The following HNRNPUL1 variants were observed in gnomAD, a reference collection of about 807,000 sequenced individuals.
HNRNPUL1 encodes the protein heterogeneous nuclear ribonucleoprotein U like 1.
Under a neutral mutation model 108.5 loss-of-function variants are expected in HNRNPUL1, and 14 were observed. The observed-to-expected ratio is 0.13, with a 90% CI of 0.09 to 0.20. HNRNPUL1 has a LOEUF of 0.20. HNRNPUL1 is among the 10% of genes least tolerant of loss of function. The pLI is 1.00. For missense variants in HNRNPUL1, 804 were observed against 1,168.3 expected (o/e 0.69, Z 4.55); for synonymous variants, 422 against 445.2 (o/e 0.95, Z 0.66).
upstream of HNRNPUL1, among the ~76,000 whole-genome samples, chr19:41,263,972 T>C (rs776787754): frequency 1.3e-5 from 2 of 152,234 alleles, no homozygotes; most frequent in African/African-American, 2.4e-5. Context: ...GCGGGAGATG[T>C]ACACCAATCG....
At chr19:41,274,402 A>G (rs1261800751) in intron 4 of HNRNPUL1, among the ~76,000 whole-genome samples, 1 of 152,178 alleles carries the variant, frequency 6.6e-6, no homozygotes, top group East Asian at 1.9e-4. Flanking sequence ...GTTGTCATCT[A>G]ATCAGGAAGG....
At chr19:41,304,473 A>T (rs2037429136) in intron 13 of HNRNPUL1, among the ~76,000 whole-genome samples, 1 of 152,136 alleles carries the variant, frequency 6.6e-6, no homozygotes, top group African/African-American at 2.4e-5. Flanking sequence ...CCAGGAGTAA[A>T]TGTAGACCTT....
At chr19:41,296,531 G>A (rs746727632) in intron 10 of HNRNPUL1, among the ~76,000 whole-genome samples, 1 of 152,238 alleles carries the variant, frequency 6.6e-6, no homozygotes, top group Non-Finnish European at 1.5e-5. Flanking sequence ...GAAGCCATAG[G>A]CTACTCAGGC....
chr19:41,271,887 C>T (rs945621743), intron 2 of HNRNPUL1, among the ~76,000 whole-genome samples, 195 bp from the exon 3 acceptor site: 2 of 152,112 alleles, frequency 1.3e-5, no homozygotes, highest in African/African-American at 4.8e-5. Context: ...TATCTCAGAT[C>T]CTAACCCTGT....
In HNRNPUL1 at chr19:41,294,295, C is replaced by T; in HGVS notation, c.1267-43C>T. ...CAGTCACCACCGAGCCAAGTGGTGCCATACCACCATGCCGCAACACCTTCC... is the reference window on the plus strand; with the variant it reads ...CAGTCACCACCGAGCCAAGTGGTGCTATACCACCATGCCGCAACACCTTCC... On this transcript the variant is annotated intron_variant, in intron 8 of 14. Transcript: ENST00000392006. The surrounding 1 kb of genome is among the most constrained non-coding windows in gnomAD (Gnocchi z 4.3). 6.2e-7 allele frequency: 1 copy of T among 1,608,306 alleles called. No homozygotes were observed. Among genetic ancestry groups the T allele is most frequent in the Non-Finnish European group, 8.5e-7 (1 of 1,176,352 alleles).
At chr19:41,275,841 G>A (rs1019432033) in intron 4 of HNRNPUL1, among the ~76,000 whole-genome samples, 1 of 152,182 alleles carries the variant, frequency 6.6e-6, no homozygotes, top group African/African-American at 2.4e-5. Flanking sequence ...GGTGGCTCAC[G>A]CCTGTAATCC....
At chr19:41,269,353 A>G (rs1280355092) in intron 2 of HNRNPUL1, among the ~76,000 whole-genome samples, 1 of 151,696 alleles carries the variant, frequency 6.6e-6, no homozygotes, top group Non-Finnish European at 1.5e-5. Flanking sequence ...ACATGCACAC[A>G]CCTATAGTTA....
At chr19:41,295,546 C>CA (rs2036844064) in intron 10 of HNRNPUL1, among the ~76,000 whole-genome samples, 1 of 152,196 alleles carries the variant, frequency 6.6e-6, no homozygotes, top group African/African-American at 2.4e-5. Context: ...TCACAAGTAA[C>CA]AAAGGGTGTC....
At chr19:41,281,525 C>A (rs1038784500) in intron 7 of HNRNPUL1, among the ~76,000 whole-genome samples, 1 of 151,976 alleles carries the variant, frequency 6.6e-6, no homozygotes, top group Non-Finnish European at 1.5e-5. Flanking sequence ...GTGTGCATAG[C>A]CTTCCTCCGT....
intron 13 of HNRNPUL1, among the ~76,000 whole-genome samples, chr19:41,305,237 C>G: frequency 6.6e-6 from 1 of 152,194 alleles, no homozygotes; most frequent in Admixed American, 6.5e-5. Context: ...TTGGGAAGCA[C>G]TTAGTCAATT....
upstream of HNRNPUL1, among the ~76,000 whole-genome samples, chr19:41,263,962 G>A (rs1308825961): frequency 6.6e-6 from 1 of 152,216 alleles, no homozygotes; most frequent in Non-Finnish European, 1.5e-5. Flanking sequence ...TCCTCAAGGG[G>A]CGGGAGATGT....
chr19:41,294,761 C>A lies in HNRNPUL1; in HGVS notation c.1518+75C>A. On this transcript the variant is annotated intron_variant, in intron 10 of 14. Coordinates refer to ENST00000392006, the MANE Select transcript of HNRNPUL1 (RefSeq NM_007040.6). This position sits in a 1 kb window ranked among gnomAD's most constrained non-coding sequence, Gnocchi z 4.3. ...GCATGCCTGAGAATCTCCCTCTGGT[C>A]CCTTTCTTTTTTCCCCCGTAATGAT... 6.4e-7 allele frequency: 1 copy of A among 1,567,808 alleles called. No individual in the cohort carries two copies. The highest frequency in any genetic ancestry group is 8.8e-7 in the Non-Finnish European group (1 of 1,141,806).
At chr19:41,274,367 C>T (rs1358639070) in intron 4 of HNRNPUL1, among the ~76,000 whole-genome samples, 2 of 152,134 alleles carry the variant, frequency 1.3e-5, no homozygotes, top group Non-Finnish European at 2.9e-5. Flanking sequence ...TCTGGAAAAC[C>T]CTGAACCGCC....
At chr19:41,263,692 T>A (rs1029375416), upstream of HNRNPUL1, among the ~76,000 whole-genome samples, 3 of 152,214 alleles carry the variant, frequency 2.0e-5, no homozygotes, top group African/African-American at 7.2e-5. Context: ...GTATACCTCC[T>A]CCTACAGCGA....
At chr19:41,282,735 G>A (rs1366649892) in intron 7 of HNRNPUL1, among the ~76,000 whole-genome samples, 1 of 148,622 alleles carries the variant, frequency 6.7e-6, no homozygotes, top group Non-Finnish European at 1.5e-5. Flanking sequence ...TGTCGCCCAG[G>A]CTGGAGTGCA....
At chr19:41,286,173 C>A (rs564273284) in intron 7 of HNRNPUL1, among the ~76,000 whole-genome samples, 3 of 151,096 alleles carry the variant, frequency 2.0e-5, no homozygotes, top group Admixed American at 2.0e-4. Context: ...ATATGACATA[C>A]CTAACTTTTC....
chr19:41,287,999 T>C (rs1177824796), intron 7 of HNRNPUL1, among the ~76,000 whole-genome samples: 1 of 152,144 alleles, frequency 6.6e-6, no homozygotes, highest in Non-Finnish European at 1.5e-5. Flanking sequence ...AGACAATATA[T>C]AGATCTAGCT....
chr19:41,293,340 A>G (rs1460398291), intron 8 of HNRNPUL1, among the ~76,000 whole-genome samples: 31 of 152,174 alleles, frequency 2.0e-4, no homozygotes, highest in Admixed American at 2.0e-3. Context: ...TTGAGATTCT[A>G]TGGTATAAGC....
intron 7 of HNRNPUL1, among the ~76,000 whole-genome samples, chr19:41,285,210 G>A (rs1052966172): frequency 6.6e-6 from 1 of 152,086 alleles, no homozygotes; most frequent in Admixed American, 6.6e-5. Flanking sequence ...CAACAAACAA[G>A]TTCCCAGGCA....
Sources: gnomAD v4.1 joint callset for allele counts (sites outside exome capture counted in the v4.1 genomes callset) on GRCh38, gnomAD v4.1.1 for gene constraint, Gnocchi (gnomAD v3.1) non-coding constraint, MANE v1.5 for transcripts, NCBI Gene and HGNC (gene_info 2026-07-23, HGNC 2026-07-21) for gene names.